ANGPT4: variants seen among roughly 807,000 people sequenced by gnomAD.
ANGPT4 encodes angiopoietin-4.
Under a neutral mutation model 53.0 loss-of-function variants are expected in ANGPT4, and 50 were observed. The ratio of observed to expected loss-of-function variants is 0.94; its 90% CI spans 0.75 to 1.20. ANGPT4 has a LOEUF of 1.20. Ranked by LOEUF, ANGPT4 falls within the 50% of genes most tolerant of loss-of-function variation. The pLI, the probability that ANGPT4 is intolerant of heterozygous loss-of-function variation, is 0.00. For synonymous variants in ANGPT4, 251 were observed against 259.7 expected, an observed-to-expected ratio of 0.97 and a Z score of 0.32; for missense variants, 648 against 637.1, an observed-to-expected ratio of 1.02 and a Z score of -0.18.
intron 1 of ANGPT4, among the ~76,000 whole-genome samples, chr20:894,730 A>C (rs1981978645): frequency 6.6e-6 from 1 of 152,216 alleles, no homozygotes; most frequent in African/African-American, 2.4e-5. Context: ...TTTCCCAGGC[A>C]TCTTCCCCAA....
At chr20:906,794 C>T (rs1982493326) in intron 1 of ANGPT4, among the ~76,000 whole-genome samples, 1 of 152,242 alleles carries the variant, frequency 6.6e-6, no homozygotes, top group Non-Finnish European at 1.5e-5. Context: ...TTGTTTTCCT[C>T]TCTGCAAGAC....
At chr20:912,168 G>A (rs1009641081) in intron 1 of ANGPT4, among the ~76,000 whole-genome samples, 3 of 152,192 alleles carry the variant, frequency 2.0e-5, no homozygotes, top group East Asian at 1.9e-4. Context: ...AGAGAAGGCA[G>A]AGTATGGCAC....
chr20:901,390 C>A (rs1455481506), intron 1 of ANGPT4, among the ~76,000 whole-genome samples: 1 of 152,146 alleles, frequency 6.6e-6, no homozygotes, highest in Non-Finnish European at 1.5e-5. Flanking sequence ...CCCCACTGAG[C>A]ACCTTGTGAC....
At chr20:906,377 C>G (rs553324022) in intron 1 of ANGPT4, among the ~76,000 whole-genome samples, 1 of 152,248 alleles carries the variant, frequency 6.6e-6, no homozygotes, top group South Asian at 2.1e-4. Flanking sequence ...GCAGCCCTAG[C>G]TGATACCTGA....
chr20:886,151 G>A (rs1249040011), intron 3 of ANGPT4, among the ~76,000 whole-genome samples: 1 of 152,212 alleles, frequency 6.6e-6, no homozygotes, highest in Non-Finnish European at 1.5e-5. Flanking sequence ...GCAAAGAGGA[G>A]TTTTTCAAAA....
At chr20:896,382 G>A (rs1392935868) in intron 1 of ANGPT4, among the ~76,000 whole-genome samples, 1 of 152,202 alleles carries the variant, frequency 6.6e-6, no homozygotes, top group Non-Finnish European at 1.5e-5. Context: ...CCAGTATGAT[G>A]GAGAAAGCCC....
At chr20:915,083 G>A (rs77838994) in intron 1 of ANGPT4, among the ~76,000 whole-genome samples, 3,099 of 152,152 alleles carry the variant, frequency 0.02, 106 homozygotes, top group African/African-American at 0.069. Flanking sequence ...TGGCTGCAGC[G>A]GCCACCTCTT....
At chr20:901,047 C>G (rs1205388498) in intron 1 of ANGPT4, among the ~76,000 whole-genome samples, 2 of 152,208 alleles carry the variant, frequency 1.3e-5, no homozygotes, top group Non-Finnish European at 2.9e-5. Context: ...CTCTCCCACT[C>G]TAGGTTCCGA....
Position 874,272 on chromosome 20 carries a change from C to T in ANGPT4, c.1351+12G>A, listed in dbSNP as rs761790627. On this transcript the variant is annotated intron_variant, in intron 8 of 8. Transcript: ENST00000381922. ...TGTGGGTGGGCGGAGCTTCACCCCACCCTGCACCTACCTCCAGACATCACT... is the reference window on the plus strand; with the variant it reads ...TGTGGGTGGGCGGAGCTTCACCCCATCCTGCACCTACCTCCAGACATCACT... The T allele has an allele frequency of 1.2e-5, 19 of 1,613,720 alleles. No individual in the cohort carries two copies. In the South Asian group the frequency reaches 2.0e-4, roughly 17 times the overall value.
chr20:879,783 G>A lies in ANGPT4; in HGVS notation c.1017C>T (p.Thr339=), dbSNP rs61737018. 0.093 allele frequency: 150,253 copies of A among 1,613,052 alleles called. 8,263 individuals carry two copies. The highest frequency in any genetic ancestry group is 0.22 in the African/African-American group (16,829 of 74,928). The stretch of plus-strand genomic sequence containing the variant: ...CCTTCCAGTTCCGCTGAAAATTCAC[G>A]GTGCCATTCTCACGGCGCTGGATGA... ...WTLIQRRENG[T]VNFQRNWKDY... is the part of the protein sequence containing the mutation. Residue 339 remains threonine, a synonymous_variant, in exon 6 of 9, where the codon ACC becomes ACT. Coordinates refer to ENST00000381922, the MANE Select transcript of ANGPT4 (RefSeq NM_015985.4).
At chr20:903,245 G>C (rs539406709) in intron 1 of ANGPT4, among the ~76,000 whole-genome samples, 27 of 152,282 alleles carry the variant, frequency 1.8e-4, no homozygotes, top group African/African-American at 6.3e-4. Flanking sequence ...TTCTGTGAAT[G>C]GGGGTGGCAT....
At chr20:907,849 C>T (rs58445359) in intron 1 of ANGPT4, among the ~76,000 whole-genome samples, 2,697 of 152,228 alleles carry the variant, frequency 0.018, 83 homozygotes, top group African/African-American at 0.062. Context: ...GGGGTATCTC[C>T]CCACGTGGCA....
intron 1 of ANGPT4, among the ~76,000 whole-genome samples, chr20:905,582 G>T (rs1982448340): frequency 6.6e-6 from 1 of 152,198 alleles, no homozygotes; most frequent in South Asian, 2.1e-4. Flanking sequence ...CCAGCACAGA[G>T]ATGGGAGGGG....
chr20:871,929 A>G lies in ANGPT4; in HGVS notation c.*1031T>C, dbSNP rs948801952. On this transcript the variant is annotated 3_prime_UTR_variant, in exon 9 of 9. Transcript: ENST00000381922. ...TTGAGGCTGTCACTGTGGCCCTTGTAGCCAAAAAGGGTGAGTATAGCTGGG... is the reference window on the plus strand; with the variant it reads ...TTGAGGCTGTCACTGTGGCCCTTGTGGCCAAAAAGGGTGAGTATAGCTGGG... The G allele has an allele frequency of 2.6e-5, 4 of 152,168 alleles. No individual in the cohort carries two copies. Among genetic ancestry groups the G allele is most frequent in the Non-Finnish European group, 4.4e-5 (3 of 68,050 alleles). The allele number at this position is 152,168 out of a possible 1,614,324, so 9.4% of individuals were successfully genotyped here.
intron 8 of ANGPT4, among the ~76,000 whole-genome samples, chr20:874,010 C>T (rs978111839): frequency 1.3e-5 from 2 of 152,142 alleles, no homozygotes; most frequent in Admixed American, 6.5e-5. Flanking sequence ...GCCTCCCCCC[C>T]GGGGCCCTGC....
At chr20:886,995 A>G (rs1308640308) in intron 3 of ANGPT4, among the ~76,000 whole-genome samples, 3 of 152,216 alleles carry the variant, frequency 2.0e-5, no homozygotes, top group African/African-American at 7.2e-5. Context: ...TGACACATGA[A>G]AAGAGTTTGA....
Position 872,767 on chromosome 20 carries a change from C to G in ANGPT4, c.*193G>C. The G allele has an allele frequency of 1.5e-6, 1 of 652,232 alleles. No homozygotes were observed. The highest frequency in any genetic ancestry group is 2.8e-5 in the East Asian group (1 of 36,260). 40.4% of individuals were successfully genotyped at this position (652,232 alleles called of 1,614,324 possible). On this transcript the variant is annotated 3_prime_UTR_variant, in exon 9 of 9. Coordinates refer to ENST00000381922, the MANE Select transcript of ANGPT4 (RefSeq NM_015985.4). ...ATCAGAGGGATGGGCCCCGAACACC[C>G]TCCATGTCACAGACGGAGGGGAGTT...
At chr20:877,069 C>T (rs563501445) in intron 7 of ANGPT4, among the ~76,000 whole-genome samples, 20 of 152,162 alleles carry the variant, frequency 1.3e-4, no homozygotes, top group African/African-American at 4.6e-4. Context: ...AAAGCCTTTG[C>T]TTTGGTGGCC....
chr20:913,725 C>A (rs1047561737), intron 1 of ANGPT4, among the ~76,000 whole-genome samples: 2 of 152,192 alleles, frequency 1.3e-5, no homozygotes, highest in Non-Finnish European at 2.9e-5. Context: ...ATGACAGCAT[C>A]CTGGGAAAGA....
Sources: gnomAD v4.1 joint callset for allele counts (sites outside exome capture counted in the v4.1 genomes callset) on GRCh38, gnomAD v4.1.1 for gene constraint, MANE v1.5 for transcripts, NCBI Gene and HGNC (gene_info 2026-07-23, HGNC 2026-07-21) for gene names.